ERC2: variants seen among roughly 807,000 people sequenced by gnomAD.
The protein encoded by ERC2 is ERC protein 2.
ERC2 carries 42 observed loss-of-function variants against 114.8 expected under a neutral mutation model. The observed-to-expected ratio is 0.37, with a 90% CI of 0.29 to 0.47. The LOEUF (loss-of-function observed/expected upper bound fraction) is 0.47, where lower values mean the gene tolerates loss of function less well. Among genes scored for constraint, ERC2 ranks in the 20% least tolerant of loss-of-function variants. The pLI, the probability that ERC2 is intolerant of heterozygous loss-of-function variation, is 0.99. For synonymous variants in ERC2, 454 were observed against 425.5 expected (o/e 1.07, Z -0.82); for missense variants, 939 against 1,150.7 (o/e 0.82, Z 2.66).
chr3:55,859,998 A>G (rs954930346), intron 14 of ERC2, among the ~76,000 whole-genome samples: 20 of 152,116 alleles, frequency 1.3e-4, no homozygotes, highest in Non-Finnish European at 2.6e-4. Flanking sequence ...TTTCACAGAT[A>G]TTTAAAGCAC....
chr3:56,423,918 G>T (rs2061475596), intron 2 of ERC2, among the ~76,000 whole-genome samples: 1 of 152,186 alleles, frequency 6.6e-6, no homozygotes, highest in Non-Finnish European at 1.5e-5. Flanking sequence ...AATGCCAACT[G>T]GGGGTGGTGG....
chr3:55,534,888 T>C (rs938302557), intron 17 of ERC2, among the ~76,000 whole-genome samples: 2 of 152,094 alleles, frequency 1.3e-5, no homozygotes, highest in African/African-American at 4.8e-5. Context: ...ATGGCCCCCA[T>C]GGTTTTGAGA....
chr3:55,888,976 A>G (rs1474176943), intron 13 of ERC2, among the ~76,000 whole-genome samples: 1 of 152,228 alleles, frequency 6.6e-6, no homozygotes, highest in Non-Finnish European at 1.5e-5. Flanking sequence ...AGAAATGTCC[A>G]AATTTCTCCA....
chr3:55,941,969 T>C (rs534024713), intron 13 of ERC2, among the ~76,000 whole-genome samples: 1 of 152,314 alleles, frequency 6.6e-6, no homozygotes, highest in Admixed American at 6.5e-5. Context: ...TCACAATAAC[T>C]AACTAATTTT....
At chr3:56,021,755 G>C (rs982264054) in intron 7 of ERC2, among the ~76,000 whole-genome samples, 1 of 152,078 alleles carries the variant, frequency 6.6e-6, no homozygotes. Context: ...CCCAGCGTCT[G>C]TTGTTCCTTC....
chr3:56,060,876 C>T (rs1039797705), intron 7 of ERC2, among the ~76,000 whole-genome samples: 1 of 152,176 alleles, frequency 6.6e-6, no homozygotes, highest in Non-Finnish European at 1.5e-5. Context: ...AGATGATTTA[C>T]TCAATTCCAG....
chr3:55,999,950 T>C (rs1416877153), intron 10 of ERC2, among the ~76,000 whole-genome samples: 2 of 151,802 alleles, frequency 1.3e-5, no homozygotes, highest in Admixed American at 1.3e-4. Context: ...AATTAAGGTG[T>C]AATTTGTTTT....
intron 17 of ERC2, among the ~76,000 whole-genome samples, chr3:55,661,992 T>A (rs1253104523): frequency 1.3e-5 from 2 of 152,226 alleles, no homozygotes; most frequent in Non-Finnish European, 2.9e-5. Flanking sequence ...AATTTAAATA[T>A]TGCAAAGCTA....
intron 10 of ERC2, among the ~76,000 whole-genome samples, chr3:56,002,163 C>T (rs1209554433): frequency 1.3e-5 from 2 of 152,114 alleles, no homozygotes; most frequent in South Asian, 2.1e-4. Flanking sequence ...ACTAAGTACA[C>T]CTGAACATCT....
At chr3:56,033,174 G>C (rs374706556) in intron 7 of ERC2, among the ~76,000 whole-genome samples, 1 of 152,124 alleles carries the variant, frequency 6.6e-6, no homozygotes, top group East Asian at 1.9e-4. Context: ...AGAGCATTAT[G>C]TCAGCCCAAG....
chr3:55,712,804 T>G (rs1179693224), intron 15 of ERC2, among the ~76,000 whole-genome samples: 4 of 152,190 alleles, frequency 2.6e-5, no homozygotes, highest in African/African-American at 9.7e-5. Flanking sequence ...AATACAGTTA[T>G]GCCCATTATC....
At chr3:55,707,815 A>G (rs2063568602) in intron 15 of ERC2, among the ~76,000 whole-genome samples, 2 of 152,228 alleles carry the variant, frequency 1.3e-5, no homozygotes, top group African/African-American at 4.8e-5. Flanking sequence ...GCAGAAACCC[A>G]TGAGAACCAA....
In ERC2 at chr3:56,311,269, A is replaced by C. The variant is rs796506838; in HGVS notation, c.658-14834T>G. Among the ~76,000 whole-genome samples the C allele has an allele frequency of 7.6e-3, 998 of 132,140 alleles. 7 individuals are homozygous for C. The highest frequency in any genetic ancestry group is 0.019 in the East Asian group (92 of 4,728). The allele number at this position is 132,140 out of a possible 152,430, so 86.7% of individuals were successfully genotyped here. On this transcript the variant is annotated intron_variant, in intron 2 of 17. Transcript: ENST00000288221. ...TCTCTCTCTCTCTATATATATATAT[A>C]TATATATATATATATATATATACAC...
chr3:55,624,048 TA>T (rs1389965174), intron 17 of ERC2, among the ~76,000 whole-genome samples: 2 of 152,168 alleles, frequency 1.3e-5, no homozygotes, highest in Non-Finnish European at 1.5e-5. Flanking sequence ...AAAATTGGGT[TA>T]GGACTCCAAC....
At chr3:56,133,264 C>T (rs912415290) in intron 6 of ERC2, among the ~76,000 whole-genome samples, 13 of 152,172 alleles carry the variant, frequency 8.5e-5, no homozygotes, top group African/African-American at 2.9e-4. Context: ...ATGGCAAAAC[C>T]CTGTCTCTAC....
intron 4 of ERC2, among the ~76,000 whole-genome samples, chr3:56,159,252 C>A (rs748529865): frequency 1.6e-4 from 25 of 152,074 alleles, no homozygotes; most frequent in Non-Finnish European, 3.1e-4. Flanking sequence ...GCCAATTAAA[C>A]CTTTTTTCTT....
At chr3:55,670,609 T>A (rs1039987301) in intron 17 of ERC2, among the ~76,000 whole-genome samples, 3 of 152,196 alleles carry the variant, frequency 2.0e-5, no homozygotes, top group African/African-American at 7.2e-5. Context: ...TTTGTGACTT[T>A]GGGCAAAGAG....
At chr3:55,831,264 A>T (rs1261569470) in intron 14 of ERC2, among the ~76,000 whole-genome samples, 1 of 146,470 alleles carries the variant, frequency 6.8e-6, no homozygotes, top group African/African-American at 2.5e-5. Context: ...GTGAGTTGTG[A>T]TGGTGCCACT....
At position 56,273,258 on chromosome 3, in the gene ERC2, C is replaced by CTTTTTT. The variant is rs1206517864; in HGVS notation, c.1074+22760_1074+22761insAAAAAA. On this transcript the variant is annotated intron_variant, in intron 3 of 17. Coordinates refer to ENST00000288221, the MANE Select transcript of ERC2 (RefSeq NM_015576.3). Reference sequence around the variant, plus strand: ...CAAGGACACCTCCCACTTTTTTTTTCTTTCTTTTTTTTTTTTTTTTGGTGA... The same window carrying CTTTTTT: ...CAAGGACACCTCCCACTTTTTTTTTCTTTTTTTTTCTTTTTTTTTTTTTTTTGGTGA... Among the ~76,000 whole-genome samples, 6 of 94,742 alleles carry CTTTTTT rather than the reference C, an allele frequency of 6.3e-5. 1 individual carries two copies. The highest frequency in any genetic ancestry group is 1.0e-4 in the African/African-American group (3 of 29,842). The allele number at this position is 94,742 out of a possible 152,430, so 62.2% of individuals were successfully genotyped here.
Sources: gnomAD v4.1 joint callset for allele counts (sites outside exome capture counted in the v4.1 genomes callset) on GRCh38, gnomAD v4.1.1 for gene constraint, MANE v1.5 for transcripts, NCBI Gene and HGNC (gene_info 2026-07-23, HGNC 2026-07-21) for gene names.